The following PLEKHA7 variants were observed in gnomAD, a reference collection of about 807,000 sequenced individuals.
PLEKHA7 encodes pleckstrin homology domain containing A7.
A neutral mutation model predicts 170.0 loss-of-function variants in PLEKHA7; 104 were observed. That is an observed-to-expected ratio of 0.61 (90% confidence interval 0.52 to 0.72). The LOEUF (loss-of-function observed/expected upper bound fraction) is 0.72. PLEKHA7 is among the 30% of genes least tolerant of loss of function. PLEKHA7 has a pLI of 0.00. For missense variants in PLEKHA7, 1,615 were observed against 1,671.7 expected (o/e 0.97, Z 0.59); for synonymous variants, 648 against 660.8 (o/e 0.98, Z 0.30).
intron 3 of PLEKHA7, among the ~76,000 whole-genome samples, chr11:16,978,950 T>G (rs1002683790): frequency 4.6e-5 from 7 of 152,216 alleles, no homozygotes; most frequent in African/African-American, 1.7e-4. Flanking sequence ...TCTCATTTTA[T>G]GGTCACAGGG....
At chr11:16,947,971 A>G (rs1308648884) in intron 3 of PLEKHA7, among the ~76,000 whole-genome samples, 2 of 152,112 alleles carry the variant, frequency 1.3e-5, no homozygotes, top group Non-Finnish European at 2.9e-5. Context: ...ATGCATATAT[A>G]TACATAATGG....
intron 6 of PLEKHA7, among the ~76,000 whole-genome samples, chr11:16,854,132 G>T (rs1284869055): frequency 1.3e-5 from 2 of 152,162 alleles, no homozygotes; most frequent in Non-Finnish European, 2.9e-5. Flanking sequence ...TTGCAGAATG[G>T]ATGAATGAAT....
chr11:16,885,239 A>T (rs757209356), intron 3 of PLEKHA7, among the ~76,000 whole-genome samples: 1 of 151,662 alleles, frequency 6.6e-6, no homozygotes, highest in Non-Finnish European at 1.5e-5. Context: ...CTGAGGAAGG[A>T]GACTCACTTG....
rs139962368 is a variant in PLEKHA7, at chr11:16,851,678, A to C, written c.596-387T>G. On this transcript the variant is annotated intron_variant, in intron 7 of 26. Coordinates refer to ENST00000531066, the MANE Select transcript of PLEKHA7 (RefSeq NM_001329630.2). ...TAGCTAGGCTGGTCTCGAATGCCTGACCTCAGGTGATCCACCTGCCTCGGC... is the reference window on the plus strand; with the variant it reads ...TAGCTAGGCTGGTCTCGAATGCCTGCCCTCAGGTGATCCACCTGCCTCGGC... 4.2e-3 allele frequency among the ~76,000 whole-genome samples: 631 copies of C among 152,006 alleles called. 7 individuals are homozygous for C. Among genetic ancestry groups the C allele is most frequent in the African/African-American group, 0.015 (605 of 41,426 alleles).
At chr11:16,889,416 A>ATATATAT (rs1160462846) in intron 3 of PLEKHA7, among the ~76,000 whole-genome samples, 18 of 109,800 alleles carry the variant, frequency 1.6e-4, no homozygotes, top group African/African-American at 5.2e-4. Flanking sequence ...AAAAAAAAAA[A>ATATATAT]AAAAATATAT....
intron 3 of PLEKHA7, among the ~76,000 whole-genome samples, chr11:16,887,675 C>G (rs1353715674): frequency 6.6e-6 from 1 of 152,314 alleles, no homozygotes; most frequent in African/African-American, 2.4e-5. Context: ...GAATTGCAGA[C>G]GGAGTCTCGT....
intron 13 of PLEKHA7, 94 bp downstream of exon 13, chr11:16,813,019 C>G (rs1282602149): frequency 2.0e-6 from 2 of 1,019,696 alleles, no homozygotes; most frequent in Non-Finnish European, 3.1e-6. Context: ...TGGATAAGAC[C>G]TGTCTGGCCT....
intron 3 of PLEKHA7, among the ~76,000 whole-genome samples, chr11:16,949,765 G>A (rs1449734201): frequency 6.6e-6 from 1 of 152,022 alleles, no homozygotes; most frequent in Non-Finnish European, 1.5e-5. Context: ...TGTAAACCAA[G>A]GCACGATACA....
intron 3 of PLEKHA7, among the ~76,000 whole-genome samples, chr11:16,924,095 C>T (rs1426424670): frequency 6.6e-6 from 1 of 152,098 alleles, no homozygotes; most frequent in Non-Finnish European, 1.5e-5. Flanking sequence ...CCTTCCACTC[C>T]CACTCATTAG....
intron 19 of PLEKHA7, among the ~76,000 whole-genome samples, chr11:16,792,556 G>T (rs1299786622): frequency 6.6e-6 from 1 of 151,484 alleles, no homozygotes. Flanking sequence ...AAGGCAAGGG[G>T]ATTATTATCC....
intron 23 of PLEKHA7, chr11:16,787,002 A>T: frequency 2.0e-6 from 2 of 985,178 alleles, no homozygotes; most frequent in Non-Finnish European, 2.4e-6. Flanking sequence ...TAAATTAGAA[A>T]AAAAAACTAA....
intron 3 of PLEKHA7, among the ~76,000 whole-genome samples, chr11:16,885,458 A>G (rs1261892261): frequency 6.6e-6 from 1 of 151,810 alleles, no homozygotes; most frequent in African/African-American, 2.4e-5. Flanking sequence ...CAGGAATTTG[A>G]GACTAGCCTG....
At chr11:16,869,869 G>A (rs1163172852) in intron 4 of PLEKHA7, among the ~76,000 whole-genome samples, 1 of 152,024 alleles carries the variant, frequency 6.6e-6, no homozygotes, top group African/African-American at 2.4e-5. Flanking sequence ...GATCATATTT[G>A]GTCTATGTAA....
At position 16,854,878 on chromosome 11, in the gene PLEKHA7, G is replaced by A. The variant is rs373916772; in HGVS notation, c.522+11C>T. 32 of 1,611,122 alleles carry A rather than the reference G, an allele frequency of 2.0e-5. No individual in the cohort carries two copies. The Middle Eastern group carries it at 6.6e-4, about 33-fold the overall frequency. On this transcript the variant is annotated intron_variant, in intron 6 of 26. Coordinates refer to ENST00000531066, the MANE Select transcript of PLEKHA7 (RefSeq NM_001329630.2). Reference sequence around the variant, plus strand: ...ATTTCCTCCAGGATTCTCACTCCTCGGCTTCCTCACCTGCTTGTGCAGCCA... The same window carrying A: ...ATTTCCTCCAGGATTCTCACTCCTCAGCTTCCTCACCTGCTTGTGCAGCCA...
chr11:16,966,141 C>T lies in PLEKHA7; in HGVS notation c.221+47848G>A, dbSNP rs145401636. 6.6e-5 allele frequency among the ~76,000 whole-genome samples: 10 copies of T among 152,254 alleles called. No individual in the cohort carries two copies. The East Asian group carries it at 1.9e-3, about 29-fold the overall frequency. The stretch of plus-strand genomic sequence containing the variant: ...GGGGTTGCAGTGAGCTGAGATCGCA[C>T]CATTGCACTCCAGCCTGGGCGACAG... On this transcript the variant is annotated intron_variant, in intron 3 of 26. Transcript: ENST00000531066.
At position 17,014,015 on chromosome 11, in the gene PLEKHA7, C is replaced by G; in HGVS notation, c.195G>C (p.Thr65=). The G allele has an allele frequency of 6.5e-7, 1 of 1,550,134 alleles. No individual in the cohort carries two copies. Among genetic ancestry groups the G allele is most frequent in the Non-Finnish European group, 8.7e-7 (1 of 1,147,566 alleles). The change falls in exon 3 of 27, where the codon ACG becomes ACC. Residue 65 remains threonine (T), a synonymous_variant. Transcript: ENST00000531066. The part of the protein sequence containing the change: ...DLPRGWEEGF[T]EEGASYFIDH... ...CGATGAAGTAGCTGGCGCCCTCCTC[C>G]GTGAAGCCCTCCTCCCAGCCGCGGG...
chr11:16,870,218 T>G lies in PLEKHA7; in HGVS notation c.305+881A>C, dbSNP rs369660637. On this transcript the variant is annotated intron_variant, in intron 4 of 26. Transcript: ENST00000531066. ...TCCAGGGACGATGGGGATTACCAGC[T>G]CTCCTCTCTTTGGACTCCTATTTGA... Among the ~76,000 whole-genome samples the G allele has an allele frequency of 6.6e-5, 10 of 152,186 alleles. No individual in the cohort carries two copies. In the East Asian group the frequency reaches 1.4e-3, roughly 21 times the overall value.
At chr11:16,880,228 T>C (rs1411088310) in intron 3 of PLEKHA7, among the ~76,000 whole-genome samples, 1 of 152,038 alleles carries the variant, frequency 6.6e-6, no homozygotes, top group Non-Finnish European at 1.5e-5. Flanking sequence ...AGGTTCTCCA[T>C]CTAGAAAGGC....
At chr11:16,958,397 T>A (rs969096232) in intron 3 of PLEKHA7, among the ~76,000 whole-genome samples, 10 of 152,192 alleles carry the variant, frequency 6.6e-5, no homozygotes, top group Admixed American at 2.6e-4. Context: ...TGGGATTTTT[T>A]AAGTAAAAAC....
Sources: gnomAD v4.1 joint callset for allele counts (sites outside exome capture counted in the v4.1 genomes callset) on GRCh38, gnomAD v4.1.1 for gene constraint, MANE v1.5 for transcripts, NCBI Gene and HGNC (gene_info 2026-07-23, HGNC 2026-07-21) for gene names.